ULK2: variants seen among roughly 807,000 people sequenced by gnomAD.
The protein encoded by ULK2 is unc-51 like autophagy activating kinase 2.
In ULK2, 76 loss-of-function variants were observed where a neutral mutation model predicts 127.5. The observed-to-expected ratio is 0.60, with a 90% CI of 0.50 to 0.72. ULK2 has a LOEUF of 0.72. Among genes scored for constraint, ULK2 ranks in the 30% least tolerant of loss-of-function variants. ULK2 has a pLI of 0.00. For missense variants in ULK2, 1,144 were observed against 1,295.9 expected, an observed-to-expected ratio of 0.88 and a Z score of 1.80; for synonymous variants, 452 against 461.9, an observed-to-expected ratio of 0.98 and a Z score of 0.28.
chr17:19,782,050 G>C lies in ULK2; in HGVS notation c.2478C>G (p.Thr826=). The change falls in exon 23 of 27, where the codon ACC becomes ACG. Residue 826 remains threonine (T), a synonymous_variant. Coordinates refer to ENST00000395544, the MANE Select transcript of ULK2 (RefSeq NM_014683.4). ...TCAGCATCACATTCAGATGGCGTAA[G>C]GTGTCTGTGTGTTCCCGCTGCAGCA... ...ETLMEREHTD[T]LRHLNVMLMF... is the part of the protein sequence containing the mutation. The C allele has an allele frequency of 6.2e-7, 1 of 1,613,898 alleles. No homozygotes were observed. Among genetic ancestry groups the C allele is most frequent in the Admixed American group, 1.7e-5 (1 of 59,936 alleles).
rs750656281 is a variant in ULK2, at chr17:19,867,322, G to A, written c.90+6C>T. Reference sequence around the variant, plus strand: ...GGGGCCCGGCCTCGCCCCGGCCGGCGCTCACCTGGCGGTGCCGCCCCCGGA... The same window carrying A: ...GGGGCCCGGCCTCGCCCCGGCCGGCACTCACCTGGCGGTGCCGCCCCCGGA... On this transcript the variant is annotated splice_donor_region_variant and intron_variant, in intron 1 of 26. Coordinates refer to ENST00000395544, the MANE Select transcript of ULK2 (RefSeq NM_014683.4). 26 of 1,581,284 alleles carry A rather than the reference G, an allele frequency of 1.6e-5. No individual in the cohort carries two copies. Among genetic ancestry groups the A allele is most frequent in the Non-Finnish European group, 2.1e-5 (24 of 1,166,290 alleles).
intron 14 of ULK2, 45 bp downstream of exon 14, chr17:19,810,329 AAAAT>A (rs1385600350): frequency 1.6e-6 from 2 of 1,268,404 alleles, no homozygotes; most frequent in East Asian, 2.5e-5. Context: ...CTTACTCACA[AAAAT>A]AAAATATAAA....
At chr17:19,817,185 C>T (rs1490750169) in intron 12 of ULK2, among the ~76,000 whole-genome samples, 1 of 152,176 alleles carries the variant, frequency 6.6e-6, no homozygotes, top group East Asian at 1.9e-4. Context: ...ACTTGCCTCC[C>T]TCTCCTGAAG....
At chr17:19,783,948 G>T (rs759020002) in intron 21 of ULK2, 43 bp from the exon 22 acceptor site, 15 of 1,367,450 alleles carry the variant, frequency 1.1e-5, no homozygotes, top group Admixed American at 1.0e-4. Context: ...CAGAGTTAGG[G>T]CTTTCACACC....
chr17:19,796,365 C>T, intron 18 of ULK2, 83 bp from the exon 19 acceptor site: 2 of 1,282,428 alleles, frequency 1.6e-6, no homozygotes, highest in Non-Finnish European at 2.1e-6. Context: ...TTTGTGTGAC[C>T]CAGTAGTCAG....
intron 3 of ULK2, among the ~76,000 whole-genome samples, chr17:19,857,368 CT>C (rs916767030): frequency 6.6e-6 from 1 of 151,468 alleles, no homozygotes; most frequent in African/African-American, 2.4e-5. Context: ...ACTACAGCTT[CT>C]GAGTTTCTTA....
chr17:19,778,748 CCTAG>C (rs1447828236), intron 25 of ULK2, among the ~76,000 whole-genome samples: 1 of 152,104 alleles, frequency 6.6e-6, no homozygotes, highest in Non-Finnish European at 1.5e-5. Flanking sequence ...TGCCACTGCA[CCTAG>C]CTATTCTCTC....
chr17:19,804,940 A>G (rs2087483251), intron 14 of ULK2, 110 bp from the exon 15 acceptor site: 1 of 1,221,340 alleles, frequency 8.2e-7, no homozygotes. Context: ...CCAAATGGTC[A>G]CTCCACTACC....
intron 3 of ULK2, among the ~76,000 whole-genome samples, chr17:19,857,074 G>T (rs1164535657): frequency 1.3e-5 from 2 of 150,180 alleles, no homozygotes; most frequent in African/African-American, 4.9e-5. Context: ...GGGAGGCCAA[G>T]ACGGGCAGAT....
intron 22 of ULK2, among the ~76,000 whole-genome samples, chr17:19,782,550 G>T (rs988277545): frequency 6.6e-6 from 1 of 152,126 alleles, no homozygotes; most frequent in African/African-American, 2.4e-5. Flanking sequence ...CTAACTTTCT[G>T]TGATCTTTTC....
chr17:19,776,130 C>T lies in ULK2; in HGVS notation c.*219G>A. ...CCAAACACTCTTGCTCCTGCTTCTACAAAGAAAAAGGGAAAGGGTGATTTT... is the reference window on the plus strand; with the variant it reads ...CCAAACACTCTTGCTCCTGCTTCTATAAAGAAAAAGGGAAAGGGTGATTTT... On this transcript the variant is annotated 3_prime_UTR_variant, in exon 27 of 27. Coordinates refer to ENST00000395544, the MANE Select transcript of ULK2 (RefSeq NM_014683.4). The T allele has an allele frequency of 2.0e-6, 1 of 501,614 alleles. No individual in the cohort carries two copies. Among genetic ancestry groups the T allele is most frequent in the Non-Finnish European group, 3.6e-6 (1 of 280,904 alleles). The allele number at this position is 501,614 out of a possible 1,614,324, so 31.1% of individuals were successfully genotyped here.
intron 17 of ULK2, among the ~76,000 whole-genome samples, chr17:19,798,253 C>G (rs2087318120): frequency 6.6e-6 from 1 of 152,178 alleles, no homozygotes; most frequent in Non-Finnish European, 1.5e-5. Flanking sequence ...TGTGGATTTT[C>G]TGTACTTTGT....
At position 19,867,912 on chromosome 17, in the gene ULK2, G is replaced by A. The variant is rs1282556782; in HGVS notation, c.-495C>T. 6.6e-6 allele frequency: 1 copy of A among 151,262 alleles called. No individual in the cohort carries two copies. Among genetic ancestry groups the A allele is most frequent in the South Asian group, 2.1e-4 (1 of 4,834 alleles). The allele number at this position is 151,262 out of a possible 1,614,324, so 9.4% of individuals were successfully genotyped here. On this transcript the variant is annotated 5_prime_UTR_variant, in exon 1 of 27. Transcript: ENST00000395544. ...TCGCGGCGGCGCCCAACGCCCTCGC[G>A]CGCGCTACCCGCTCCCGCGCGACTG...
intron 22 of ULK2, 53 bp from the exon 23 acceptor site, chr17:19,782,120 A>C: frequency 6.5e-7 from 1 of 1,546,680 alleles, no homozygotes; most frequent in Non-Finnish European, 8.8e-7. Flanking sequence ...ATACGTACAT[A>C]CTCATTTCTG....
In ULK2 at chr17:19,776,309, C is replaced by T. The variant is rs2086809826; in HGVS notation, c.*40G>A. 3 of 1,563,066 alleles carry T rather than the reference C, an allele frequency of 1.9e-6. No homozygotes were observed. Among genetic ancestry groups the T allele is most frequent in the Non-Finnish European group, 2.6e-6 (3 of 1,156,056 alleles). On this transcript the variant is annotated 3_prime_UTR_variant, in exon 27 of 27. Transcript: ENST00000395544. ...CAAGCTGTAATCCCAAAGGCATCAC[C>T]TCACGTTCCCACCACCGGTCCACGG... is the stretch of plus-strand genomic sequence containing the variant.
At chr17:19,835,861 C>T (rs966978249) in intron 10 of ULK2, among the ~76,000 whole-genome samples, 3 of 151,978 alleles carry the variant, frequency 2.0e-5, no homozygotes, top group Non-Finnish European at 4.4e-5. Context: ...ATGGCTCATA[C>T]CTGTAATCCC....
chr17:19,797,812 G>T, intron 17 of ULK2, 130 bp from the exon 18 acceptor site: 1 of 921,386 alleles, frequency 1.1e-6, no homozygotes, highest in Non-Finnish European at 1.5e-6. Flanking sequence ...CATTCTAAAA[G>T]TGATTTACTT....
intron 3 of ULK2, among the ~76,000 whole-genome samples, chr17:19,850,019 C>A (rs1207636044): frequency 6.6e-6 from 1 of 152,040 alleles, no homozygotes; most frequent in Non-Finnish European, 1.5e-5. Context: ...ACAGAAATAA[C>A]TAGAGAAAGA....
intron 12 of ULK2, among the ~76,000 whole-genome samples, chr17:19,818,605 T>C (rs2041053647): frequency 6.6e-6 from 1 of 152,036 alleles, no homozygotes; most frequent in African/African-American, 2.4e-5. Flanking sequence ...TCTCTCCACC[T>C]GTGCTCTGCA....
Sources: allele counts gnomAD v4.1 joint callset (sites outside exome capture counted in the v4.1 genomes callset), GRCh38; gene constraint gnomAD v4.1.1; transcripts MANE v1.5; gene names NCBI Gene and HGNC (gene_info 2026-07-23, HGNC 2026-07-21).